Variants in SORBS2 observed in about 807,000 individuals in gnomAD.
SORBS2 encodes sorbin and SH3 domain-containing protein 2.
In SORBS2, 46 loss-of-function variants were observed where a neutral mutation model predicts 97.7. The observed-to-expected ratio is 0.47, with a 90% confidence interval of 0.37 to 0.60. SORBS2 has a LOEUF of 0.60. Ranked by LOEUF, SORBS2 falls within the 20% of genes least tolerant of loss-of-function variation. SORBS2 has a pLI of 0.00. For missense variants in SORBS2, 1,316 were observed against 1,282.3 expected, an observed-to-expected ratio of 1.03 and a Z score of -0.40; for synonymous variants, 476 against 473.4, an observed-to-expected ratio of 1.01 and a Z score of -0.07.
chr4:185,611,914 T>C, exon 12 of SORBS2: 1 of 1,614,088 alleles, frequency 6.2e-7, no homozygotes, highest in Non-Finnish European at 8.5e-7. Context: ...CCTTGTCTGT[T>C]GGTTCCTGGG....
At chr4:185,765,619 C>G (rs2098930083) in intron 2 of SORBS2, among the ~76,000 whole-genome samples, 1 of 152,112 alleles carries the variant, frequency 6.6e-6, no homozygotes. Context: ...GTGGATCTCA[C>G]CATGTGAGAC....
chr4:185,674,517 G>A (rs1413679837), intron 4 of SORBS2, among the ~76,000 whole-genome samples: 1 of 152,122 alleles, frequency 6.6e-6, no homozygotes, highest in Non-Finnish European at 1.5e-5. Flanking sequence ...TCACTGAGCT[G>A]CCAGAATGAT....
intron 2 of SORBS2, among the ~76,000 whole-genome samples, chr4:185,695,390 C>G (rs779756594): frequency 2.0e-5 from 3 of 152,064 alleles, no homozygotes; most frequent in Non-Finnish European, 2.9e-5. Flanking sequence ...CACAGACGAA[C>G]CTTAAGCCAA....
intron 1 of SORBS2, among the ~76,000 whole-genome samples, chr4:185,901,468 T>G (rs900349708): frequency 9.2e-5 from 14 of 152,118 alleles, no homozygotes; most frequent in African/African-American, 3.4e-4. Flanking sequence ...CCTCCTAAGG[T>G]GCTGAGATTA....
chr4:185,618,334 C>T (rs1236515397), intron 9 of SORBS2, among the ~76,000 whole-genome samples: 3 of 152,146 alleles, frequency 2.0e-5, no homozygotes, highest in Non-Finnish European at 2.9e-5. Flanking sequence ...TTCCTAAATT[C>T]TTTTTGTTTT....
At chr4:185,832,946 A>G (rs2099205887) in intron 1 of SORBS2, among the ~76,000 whole-genome samples, 1 of 152,234 alleles carries the variant, frequency 6.6e-6, no homozygotes. Context: ...ACTTATGTTT[A>G]CATCCTTGAT....
At position 185,865,246 on chromosome 4, in the gene SORBS2, A is replaced by T. The variant is rs141120808; in HGVS notation, c.-337-89880T>A. Among the ~76,000 whole-genome samples the T allele has an allele frequency of 2.1e-4, 32 of 152,296 alleles. No individual in the cohort carries two copies. In the East Asian group the frequency reaches 4.6e-3, roughly 22 times the overall value. ...CTCCAACTCAAGTGACGGAAACGTTAAGAGGTGCGGTGACAACAGCGCACC... is the reference window on the plus strand; with the variant it reads ...CTCCAACTCAAGTGACGGAAACGTTTAGAGGTGCGGTGACAACAGCGCACC... On this transcript the variant is annotated intron_variant, in intron 1 of 20. Coordinates refer to the SORBS2 transcript ENST00000284776.
chr4:185,614,294 T>C (rs1221362493), intron 11 of SORBS2, among the ~76,000 whole-genome samples: 1 of 150,036 alleles, frequency 6.7e-6, no homozygotes, highest in African/African-American at 2.5e-5. Context: ...GATACTAGGA[T>C]TGGATGGGCT....
chr4:185,859,424 A>T (rs994350696), intron 1 of SORBS2, among the ~76,000 whole-genome samples: 10 of 151,658 alleles, frequency 6.6e-5, no homozygotes, highest in African/African-American at 2.2e-4. Flanking sequence ...CGTTTCCCAC[A>T]CTCTGTGCAG....
intron 1 of SORBS2, among the ~76,000 whole-genome samples, chr4:185,816,694 A>G: frequency 6.6e-6 from 1 of 152,228 alleles, no homozygotes; most frequent in Non-Finnish European, 1.5e-5. Context: ...CAGTATCCAG[A>G]ATGACTTTTA....
intron 12 of SORBS2, among the ~76,000 whole-genome samples, chr4:185,601,494 T>C (rs932958997): frequency 2.0e-5 from 3 of 152,210 alleles, no homozygotes; most frequent in African/African-American, 7.2e-5. Context: ...AGGATGGCGA[T>C]GAGCCCACAT....
intron 2 of SORBS2, among the ~76,000 whole-genome samples, chr4:185,709,304 CTTTTTTTTT>C (rs70962587): frequency 1.0e-5 from 1 of 96,804 alleles, no homozygotes; most frequent in Non-Finnish European, 2.0e-5. Context: ...CTGGCCAAAT[CTTTTTTTTT>C]TTTTTTTTTT....
upstream of SORBS2, among the ~76,000 whole-genome samples, chr4:185,660,897 T>G (rs572816030): frequency 2.6e-5 from 4 of 152,344 alleles, no homozygotes; most frequent in East Asian, 7.7e-4. Flanking sequence ...TCATGGAAAC[T>G]TGTACAGCCT....
At chr4:185,954,566 T>G (rs917860668) in intron 1 of SORBS2, among the ~76,000 whole-genome samples, 3 of 152,208 alleles carry the variant, frequency 2.0e-5, no homozygotes, top group Admixed American at 1.3e-4. Context: ...GTATTTTCAC[T>G]CACCAGACCA....
At chr4:185,912,727 C>T (rs1181335181) in intron 1 of SORBS2, among the ~76,000 whole-genome samples, 1 of 152,072 alleles carries the variant, frequency 6.6e-6, no homozygotes, top group African/African-American at 2.4e-5. Context: ...TGTTAGCCCT[C>T]CATTTCACCA....
chr4:185,745,646 T>C (rs1583975570), intron 2 of SORBS2, among the ~76,000 whole-genome samples: 1 of 152,212 alleles, frequency 6.6e-6, no homozygotes, highest in South Asian at 2.1e-4. Flanking sequence ...GATTAATACT[T>C]GGAGAGAATT....
intron 2 of SORBS2, among the ~76,000 whole-genome samples, chr4:185,701,423 T>A (rs2098260899): frequency 6.6e-6 from 1 of 152,198 alleles, no homozygotes; most frequent in South Asian, 2.1e-4. Flanking sequence ...TGTGTGGACA[T>A]CTTCATGGAC....
intron 1 of SORBS2, among the ~76,000 whole-genome samples, chr4:185,654,073 T>C (rs2097356513): frequency 6.6e-6 from 1 of 152,300 alleles, no homozygotes; most frequent in East Asian, 1.9e-4. Context: ...CCTCTGAGAA[T>C]ATATTATTCT....
intron 2 of SORBS2, among the ~76,000 whole-genome samples, chr4:185,715,782 T>G (rs2098460420): frequency 6.6e-6 from 1 of 152,208 alleles, no homozygotes; most frequent in South Asian, 2.1e-4. Context: ...TACAAGTGGC[T>G]TAAAGACAGA....
Sources: allele counts gnomAD v4.1 joint callset (sites outside exome capture counted in the v4.1 genomes callset), GRCh38; gene constraint gnomAD v4.1.1; transcripts MANE v1.5; gene names NCBI Gene and HGNC (gene_info 2026-07-23, HGNC 2026-07-21).